Variants in TAF9B observed in about 807,000 individuals in gnomAD.
TAF9B encodes the protein TATA-box binding protein associated factor 9b, also known as transcription initiation factor TFIID subunit 9B.
Under a neutral mutation model 17.6 loss-of-function variants are expected in TAF9B, and 47 were observed. The ratio of observed to expected loss-of-function variants is 2.68; its 90% confidence interval spans 2.12 to 3.41. TAF9B has a LOEUF of 3.41. Ranked by LOEUF, TAF9B falls within the 30% of genes most tolerant of loss-of-function variation. The pLI, the probability that TAF9B is intolerant of heterozygous loss-of-function variation, is 0.00. For missense variants in TAF9B, 218 were observed against 189.3 expected, an observed-to-expected ratio of 1.15 and a Z score of -0.89; for synonymous variants, 84 against 68.7, an observed-to-expected ratio of 1.22 and a Z score of -1.10.
chrX:78,130,677 A>G lies in TAF9B; in HGVS notation c.*933T>C, dbSNP rs1433125666. On this transcript the variant is annotated 3_prime_UTR_variant, in exon 7 of 7. Transcript: ENST00000341864. ...TAGGTCCAGTGTAATTACTTATCAAAACATGTTTTAAGCTACAGCATCTCT... is the reference window on the plus strand; with the variant it reads ...TAGGTCCAGTGTAATTACTTATCAAGACATGTTTTAAGCTACAGCATCTCT... 8.9e-6 allele frequency: 1 copy of G among 112,736 alleles called. No homozygotes were observed. Among genetic ancestry groups the G allele is most frequent in the Non-Finnish European group, 1.9e-5 (1 of 53,318 alleles). The allele number at this position is 112,736 out of a possible 1,213,427, so 9.3% of individuals were successfully genotyped here.
intron 4 of TAF9B, 127 bp downstream of exon 4, chrX:78,137,622 T>A: frequency 3.0e-6 from 2 of 662,309 alleles, no homozygotes; most frequent in Non-Finnish European, 4.2e-6. Context: ...TTTTTTAAAA[T>A]TAAAAAAATT....
chrX:78,133,454 G>A lies in TAF9B; in HGVS notation c.482-6C>T, dbSNP rs1557249746. The A allele has an allele frequency of 8.5e-7, 1 of 1,178,554 alleles. No individual in the cohort carries two copies. The highest frequency in any genetic ancestry group is 2.2e-5 in the Admixed American group (1 of 45,648). ...AGACACCGTTTGTGGGGTTGCTGTA[G>A]TTACAATAAACAGACCATGTTTGTT... On this transcript the variant is annotated splice_region_variant and splice_polypyrimidine_tract_variant and intron_variant, in intron 5 of 6. Transcript: ENST00000341864.
rs1325021753 is a variant in TAF9B at position 78,130,463 on chromosome X, G to T, written c.*1147C>A. ...AATGCAAGTTACATCACATTAATTT[G>T]TTTTCTTTGTTGGCCTTATAGAGGA... On this transcript the variant is annotated 3_prime_UTR_variant, in exon 7 of 7. Transcript: ENST00000341864. The T allele has an allele frequency of 1.8e-5, 2 of 112,196 alleles. No homozygotes were observed. Among genetic ancestry groups the T allele is most frequent in the African/African-American group, 6.5e-5 (2 of 30,864 alleles). 9.2% of individuals were successfully genotyped at this position (112,196 alleles called of 1,213,427 possible). A position where few individuals can be genotyped will look rare whatever the true frequency, so the allele number is the denominator to read the frequency against.
intron 1 of TAF9B, among the ~76,000 whole-genome samples, 190 bp from the exon 2 acceptor site, chrX:78,139,114 T>A (rs781946132): frequency 8.5e-4 from 95 of 111,282 alleles, no homozygotes; most frequent in Non-Finnish European, 1.1e-3. Context: ...AGAAAACTTT[T>A]ATTTTTATTT....
At chrX:78,139,031 C>A in intron 1 of TAF9B, 107 bp from the exon 2 acceptor site, 2 of 598,492 alleles carry the variant, frequency 3.3e-6, no homozygotes, top group South Asian at 2.9e-5. Context: ...CTTCTTTGGG[C>A]TCCAAAGTCC....
chrX:78,131,878 C>G, intron 6 of TAF9B, 105 bp from the exon 7 acceptor site: 1 of 715,485 alleles, frequency 1.4e-6, no homozygotes, highest in South Asian at 3.4e-5. Context: ...ATTCTAATAC[C>G]AATTTCAATA....
intron 5 of TAF9B, among the ~76,000 whole-genome samples, chrX:78,135,855 GA>G (rs782419603): frequency 6.3e-5 from 7 of 111,972 alleles, no homozygotes; most frequent in Non-Finnish European, 1.3e-4. Flanking sequence ...AGTATATGAT[GA>G]AAATTTACAA....
At chrX:78,135,328 G>T (rs2078429901) in intron 5 of TAF9B, among the ~76,000 whole-genome samples, 1 of 101,003 alleles carries the variant, frequency 9.9e-6, no homozygotes, top group African/African-American at 3.6e-5. Context: ...TGTAATCCTA[G>T]CACTTTGGGA....
At position 78,137,962 on chromosome X, in the gene TAF9B, A is replaced by G. The variant is rs782463871; in HGVS notation, c.270T>C (p.Asp90=). ...DQSFTSPPPR[D]FLLDIARQKN... is the part of the protein sequence containing the mutation. ...TAACTTCAAATCAAAGTTTGCTCAC[A>G]TCTCTTGGGGGAGGAGAGGTAAAAG... Residue 90 remains aspartate, a splice_region_variant and synonymous_variant, in exon 3 of 7, where the codon GAT becomes GAC. Coordinates refer to ENST00000341864, the MANE Select transcript of TAF9B (RefSeq NM_015975.5). 41 of 1,204,776 alleles carry G rather than the reference A, an allele frequency of 3.4e-5. No homozygotes were observed. In the South Asian group the frequency reaches 7.0e-4, roughly 21 times the overall value.
At chrX:78,134,679 C>T (rs2078427359) in intron 5 of TAF9B, among the ~76,000 whole-genome samples, 1 of 111,793 alleles carries the variant, frequency 8.9e-6, no homozygotes, top group Admixed American at 9.5e-5. Context: ...TGAGACCTTC[C>T]TCTAAAATAT....
intron 2 of TAF9B, 143 bp downstream of exon 2, chrX:78,138,700 A>G: frequency 2.0e-6 from 1 of 496,222 alleles, no homozygotes; most frequent in South Asian, 2.8e-5. Flanking sequence ...GGCCGCAGTG[A>G]GCCAAGATCG....
In TAF9B at chrX:78,138,083, A is replaced by G. The variant is rs1475577696; in HGVS notation, c.149T>C (p.Ile50Thr). Reference sequence around the variant, plus strand: ...CGAATAAATTTTTGCATCATCCAGAATTGTAGTCACATAACCTATAAGAAC... The same window carrying G: ...CGAATAAATTTTTGCATCATCCAGAGTTGTAGTCACATAACCTATAAGAAC... ...LEFAFRYVTT[I>T]LDDAKIYSSH... The change falls in exon 3 of 7, where the codon ATT (isoleucine) becomes ACT (threonine). Residue 50 changes from isoleucine to threonine, a missense_variant. By Grantham distance (89) the Ile-to-Thr change is moderately conservative. Transcript: ENST00000341864. 8.3e-6 allele frequency: 10 copies of G among 1,202,808 alleles called. No homozygotes were observed. Among genetic ancestry groups the G allele is most frequent in the Admixed American group, 4.5e-5 (2 of 44,435 alleles).
At position 78,130,500 on chromosome X, in the gene TAF9B, T is replaced by C; in HGVS notation, c.*1110A>G. 1 of 112,504 alleles carries C rather than the reference T, an allele frequency of 8.9e-6. No homozygotes were observed. The highest frequency in any genetic ancestry group is 9.5e-5 in the Admixed American group (1 of 10,574). The allele number at this position is 112,504 out of a possible 1,213,427, so 9.3% of individuals were successfully genotyped here. A position where few individuals can be genotyped will look rare whatever the true frequency, so the allele number is the denominator to read the frequency against. ...GGCCTTATAGAGGATGAACCATTAGTGTCTTTCAGGTTTGATCCTGTCTTA... is the reference window on the plus strand; with the variant it reads ...GGCCTTATAGAGGATGAACCATTAGCGTCTTTCAGGTTTGATCCTGTCTTA... On this transcript the variant is annotated 3_prime_UTR_variant, in exon 7 of 7. Coordinates refer to ENST00000341864, the MANE Select transcript of TAF9B (RefSeq NM_015975.5).
chrX:78,131,882 T>A, intron 6 of TAF9B, 109 bp from the exon 7 acceptor site: 2 of 682,109 alleles, frequency 2.9e-6, no homozygotes, highest in Non-Finnish European at 4.3e-6. Context: ...TAATACCAAT[T>A]TCAATAGCAT....
intron 2 of TAF9B, among the ~76,000 whole-genome samples, chrX:78,138,486 C>T (rs1379492540): frequency 8.9e-6 from 1 of 112,798 alleles, no homozygotes; most frequent in Non-Finnish European, 1.9e-5. Flanking sequence ...AGGCTGGGTG[C>T]GGTGGCTCAC....
chrX:78,139,095 C>T (rs181604070), intron 1 of TAF9B, among the ~76,000 whole-genome samples, 171 bp from the exon 2 acceptor site: 1 of 111,761 alleles, frequency 8.9e-6, no homozygotes, highest in African/African-American at 3.3e-5. Context: ...TCGCATAGTA[C>T]GCTTTTGCAG....
Position 78,138,884 on chromosome X carries a change from TACTCTGTG to T in TAF9B, c.84_91del (p.Thr29Ter). The stretch of plus-strand genomic sequence containing the variant: ...CATTTGATTTATAACCCTTGGTTCA[TACTCTGTG>T]ATTCCCATATCCTTCAGGATCTGTG... On this transcript the variant is annotated frameshift_variant, in exon 2 of 7. Coordinates refer to ENST00000341864, the MANE Select transcript of TAF9B (RefSeq NM_015975.5). LOFTEE classifies it high-confidence loss of function. 1 of 1,209,088 alleles carries T rather than the reference TACTCTGTG, an allele frequency of 8.3e-7. No individual in the cohort carries two copies. The highest frequency in any genetic ancestry group is 1.1e-6 in the Non-Finnish European group (1 of 892,867).
intron 5 of TAF9B, among the ~76,000 whole-genome samples, chrX:78,136,188 A>G (rs1181737540): frequency 3.6e-5 from 4 of 112,219 alleles, no homozygotes; most frequent in African/African-American, 6.5e-5. Flanking sequence ...ATCTAAGTCC[A>G]TTATTTGTTT....
rs782310542 is a variant in TAF9B, at chrX:78,137,029, C to T, written c.406-39G>A. The T allele has an allele frequency of 4.7e-5, 46 of 973,036 alleles. No individual in the cohort carries two copies. The South Asian group carries it at 6.6e-4, about 14-fold the overall frequency. The allele number at this position is 973,036 out of a possible 1,213,427, so 80.2% of individuals were successfully genotyped here. A position where few individuals can be genotyped will look rare whatever the true frequency, so the allele number is the denominator to read the frequency against. ...AAAACAAATTAATGTTAAGATGTGA[C>T]ACCTAAATTTACCAGGAATGAAATT... On this transcript the variant is annotated intron_variant, in intron 4 of 6. Transcript: ENST00000341864.
Sources: gnomAD v4.1 joint callset for allele counts (sites outside exome capture counted in the v4.1 genomes callset) on GRCh38, gnomAD v4.1.1 for gene constraint, MANE v1.5 for transcripts, NCBI Gene and HGNC (gene_info 2026-07-23, HGNC 2026-07-21) for gene names.